CD1B: variants seen among roughly 807,000 people sequenced by gnomAD.
CD1B encodes the protein CD1b molecule, also known as T-cell surface glycoprotein CD1b.
Under a neutral mutation model 39.8 loss-of-function variants are expected in CD1B, and 43 were observed. The observed-to-expected ratio is 1.08, with a 90% CI of 0.85 to 1.39. CD1B has a LOEUF of 1.39. CD1B is among the 40% of genes most tolerant of loss of function. The pLI is 0.00. For synonymous variants in CD1B, 192 were observed against 152.5 expected (o/e 1.26, Z -1.91); for missense variants, 495 against 403.8 (o/e 1.23, Z -1.94).
chr1:158,329,200 T>C (rs1652479459), intron 4 of CD1B, among the ~76,000 whole-genome samples, 170 bp downstream of exon 4: 2 of 152,190 alleles, frequency 1.3e-5, no homozygotes, highest in South Asian at 4.1e-4. Context: ...TCCTACATTT[T>C]TGATAACTTG....
At chr1:158,305,998 C>G in the CD1B span, among the ~76,000 whole-genome samples, 1 of 152,148 alleles carries the variant, frequency 6.6e-6, no homozygotes, top group Non-Finnish European at 1.5e-5. Flanking sequence ...TAAAGACTGT[C>G]GAGGCTAGGA....
At chr1:158,292,408 G>C in the CD1B span, 15 of 1,578,016 alleles carry the variant, frequency 9.5e-6, no homozygotes, top group African/African-American at 1.4e-5. Context: ...TTCTATTCAA[G>C]TACTGCCCCT....
chr1:158,329,274 CT>C, intron 4 of CD1B, 95 bp downstream of exon 4: 1 of 1,430,566 alleles, frequency 7.0e-7, no homozygotes, highest in East Asian at 2.3e-5. Context: ...ATCTCTCCCT[CT>C]TTCATCTCTC....
chr1:158,292,907 G>T, the CD1B span: 1 of 1,607,816 alleles, frequency 6.2e-7, no homozygotes, highest in Non-Finnish European at 8.5e-7. Flanking sequence ...TAGGTAGGTG[G>T]TTCTTGAGCC....
the CD1B span, among the ~76,000 whole-genome samples, chr1:158,287,592 C>G: frequency 6.6e-6 from 1 of 152,052 alleles, no homozygotes; most frequent in Non-Finnish European, 1.5e-5. Context: ...ACTTGGATTA[C>G]ACACTTAAAG....
chr1:158,329,192 C>A (rs1047278014), intron 4 of CD1B, among the ~76,000 whole-genome samples, 178 bp from the exon 5 acceptor site: 2 of 152,060 alleles, frequency 1.3e-5, no homozygotes, highest in Admixed American at 1.3e-4. Context: ...TCCTTAATTC[C>A]TACATTTTTG....
At chr1:158,304,675 G>A in the CD1B span, among the ~76,000 whole-genome samples, 1 of 152,214 alleles carries the variant, frequency 6.6e-6, no homozygotes, top group Admixed American at 6.5e-5. Context: ...TAGCCTAACT[G>A]GGAGGCACCT....
the CD1B span, among the ~76,000 whole-genome samples, chr1:158,296,101 C>A: frequency 6.6e-6 from 1 of 152,096 alleles, no homozygotes; most frequent in African/African-American, 2.4e-5. Flanking sequence ...GCCACTGCCC[C>A]ACTGCTGCCA....
downstream of CD1B, among the ~76,000 whole-genome samples, chr1:158,323,639 G>A (rs893020645): frequency 6.6e-6 from 1 of 152,142 alleles, no homozygotes; most frequent in Non-Finnish European, 1.5e-5. Context: ...TCTTCACTGG[G>A]CCTCTCCAGA....
chr1:158,295,978 C>T, the CD1B span, among the ~76,000 whole-genome samples: 1 of 152,116 alleles, frequency 6.6e-6, no homozygotes, highest in African/African-American at 2.4e-5. Context: ...CCCCACTAGC[C>T]TACATGCGTG....
At chr1:158,292,648 G>A in the CD1B span, 28 of 1,613,524 alleles carry the variant, frequency 1.7e-5, no homozygotes, top group African/African-American at 8.0e-5. Flanking sequence ...CTGGCCAGCT[G>A]TTGCTGGTTT....
chr1:158,304,226 C>A, the CD1B span, among the ~76,000 whole-genome samples: 1 of 152,118 alleles, frequency 6.6e-6, no homozygotes, highest in African/African-American at 2.4e-5. Flanking sequence ...CCAGGAAAAT[C>A]GGGTCATTCC....
chr1:158,288,487 G>T, the CD1B span, among the ~76,000 whole-genome samples: 1 of 152,180 alleles, frequency 6.6e-6, no homozygotes, highest in East Asian at 1.9e-4. Flanking sequence ...GACTTTCAGG[G>T]CTCAAAAGAT....
chr1:158,304,587 G>A, the CD1B span, among the ~76,000 whole-genome samples: 1 of 152,196 alleles, frequency 6.6e-6, no homozygotes, highest in Non-Finnish European at 1.5e-5. Flanking sequence ...TTGGAAGAGA[G>A]TAGTGGTTCT....
chr1:158,323,479 G>A (rs1020918113), downstream of CD1B, among the ~76,000 whole-genome samples: 2 of 152,034 alleles, frequency 1.3e-5, no homozygotes, highest in Non-Finnish European at 2.9e-5. Flanking sequence ...CATCACTTTA[G>A]GGTTTGTCAC....
the CD1B span, among the ~76,000 whole-genome samples, chr1:158,310,660 C>G: frequency 1.3e-5 from 2 of 152,020 alleles, no homozygotes; most frequent in African/African-American, 4.8e-5. Flanking sequence ...AGAATATCAA[C>G]AGACACTTCT....
At chr1:158,320,519 G>A in the CD1B span, among the ~76,000 whole-genome samples, 38 of 152,072 alleles carry the variant, frequency 2.5e-4, 1 homozygote, top group Admixed American at 2.6e-4. Flanking sequence ...GCTTCAGCTG[G>A]CACACGGTGT....
intron 1 of CD1B, 48 bp from the exon 2 acceptor site, chr1:158,331,110 G>A (rs944818106): frequency 3.3e-6 from 5 of 1,524,516 alleles, no homozygotes; most frequent in Non-Finnish European, 4.4e-6. Flanking sequence ...AGAGAAGCAG[G>A]AGACAATTAG....
chr1:158,321,063 A>G, the CD1B span, among the ~76,000 whole-genome samples: 2 of 152,056 alleles, frequency 1.3e-5, no homozygotes, highest in Non-Finnish European at 2.9e-5. Flanking sequence ...TTTTGTTGAT[A>G]TTCTGTCTGG....
Sources: gnomAD v4.1 joint callset for allele counts (sites outside exome capture counted in the v4.1 genomes callset) on GRCh38, gnomAD v4.1.1 for gene constraint, MANE v1.5 for transcripts, NCBI Gene and HGNC (gene_info 2026-07-23, HGNC 2026-07-21) for gene names.